RIN2: variants seen among roughly 807,000 people sequenced by gnomAD.
RIN2 encodes the protein RAB5 interacting protein 2.
A neutral mutation model predicts 78.0 loss-of-function variants in RIN2; 36 were observed. The observed-to-expected ratio is 0.46, with a 90% CI of 0.35 to 0.61. The LOEUF is 0.61. Among genes scored for constraint, RIN2 ranks in the 20% least tolerant of loss-of-function variants. The pLI is 0.00. For synonymous variants in RIN2, 466 were observed against 466.8 expected, an observed-to-expected ratio of 1.00 and a Z score of 0.02; for missense variants, 1,087 against 1,159.7, an observed-to-expected ratio of 0.94 and a Z score of 0.91.
chr20:19,846,888 G>A (rs532495389), intron 2 of RIN2, among the ~76,000 whole-genome samples: 2 of 152,160 alleles, frequency 1.3e-5, no homozygotes, highest in Admixed American at 6.5e-5. Context: ...TTCTTCTATG[G>A]GCAGGGGCAC....
intron 2 of RIN2, among the ~76,000 whole-genome samples, chr20:19,827,791 G>C (rs982633336): frequency 6.7e-6 from 1 of 148,160 alleles, no homozygotes; most frequent in Non-Finnish European, 1.5e-5. Flanking sequence ...GACTTTAGTA[G>C]GTTTGCTTTT....
intron 2 of RIN2, among the ~76,000 whole-genome samples, chr20:19,837,680 G>A (rs577988992): frequency 6.6e-6 from 1 of 152,124 alleles, no homozygotes; most frequent in East Asian, 1.9e-4. Context: ...TATATATGCT[G>A]ATATACAGAT....
intron 11 of RIN2, among the ~76,000 whole-genome samples, chr20:19,993,274 GT>G (rs35781625): frequency 6.3e-4 from 93 of 146,890 alleles, no homozygotes; most frequent in South Asian, 1.1e-3. Context: ...TCACGGTTTC[GT>G]TTTTTTTTTT....
At chr20:19,989,833 T>C (rs1381004015) in intron 9 of RIN2, among the ~76,000 whole-genome samples, 173 bp from the exon 10 acceptor site, 1 of 152,272 alleles carries the variant, frequency 6.6e-6, no homozygotes, top group African/African-American at 2.4e-5. Context: ...AGAAAAATGT[T>C]AACATGTGAG....
At chr20:19,824,015 G>A (rs943007061) in intron 2 of RIN2, 7 of 935,254 alleles carry the variant, frequency 7.5e-6, no homozygotes, top group East Asian at 5.2e-5. Flanking sequence ...GGCCTCCTCC[G>A]AGCCGAAAGC....
rs1257640574 is a variant in RIN2 at position 19,974,969 on chromosome 20, C to T, written c.944C>T (p.Ala315Val). The T allele has an allele frequency of 6.2e-6, 10 of 1,612,620 alleles. No homozygotes were observed. In the South Asian group the frequency reaches 1.1e-4, roughly 18 times the overall value. ...RSPPPRPPPPAINSLHTSPRL... is the reference protein window; with the variant it reads ...RSPPPRPPPPVINSLHTSPRL... The stretch of plus-strand genomic sequence containing the variant: ...CCCCCACCCAGGCCCCCGCCACCCG[C>T]TATTAATAGTCTCCACACAAGCCCT... The change falls in exon 9 of 13, where the codon GCT (alanine) becomes GTT (valine). Residue 315 changes from alanine to valine, a missense_variant. By Grantham distance (64) the Ala-to-Val change is moderately conservative (BLOSUM62 0). Coordinates refer to ENST00000255006, the MANE Select transcript of RIN2 (RefSeq NM_018993.4).
At chr20:19,833,974 A>G (rs1371930241) in intron 2 of RIN2, among the ~76,000 whole-genome samples, 1 of 151,988 alleles carries the variant, frequency 6.6e-6, no homozygotes, top group African/African-American at 2.4e-5. Flanking sequence ...GCTTTCCTCC[A>G]CCACATCGCC....
intron 3 of RIN2, among the ~76,000 whole-genome samples, chr20:19,923,778 C>G (rs2040030794): frequency 6.6e-6 from 1 of 151,964 alleles, no homozygotes. Context: ...TTTCTACATA[C>G]TGTTATTTGA....
chr20:19,937,591 C>T (rs1248303604), intron 4 of RIN2, among the ~76,000 whole-genome samples: 1 of 152,208 alleles, frequency 6.6e-6, no homozygotes, highest in Non-Finnish European at 1.5e-5. Flanking sequence ...CTCTTTCGTG[C>T]TTAATATTGA....
chr20:19,986,865 G>C (rs2042637862), intron 9 of RIN2, among the ~76,000 whole-genome samples: 1 of 152,172 alleles, frequency 6.6e-6, no homozygotes, highest in Non-Finnish European at 1.5e-5. Context: ...CGGCTCAACA[G>C]AATTTTACAC....
chr20:20,000,579 TCTGA>T (rs1441929933), intron 12 of RIN2, 30 bp from the exon 13 acceptor site: 1 of 1,536,766 alleles, frequency 6.5e-7, no homozygotes, highest in Non-Finnish European at 8.9e-7. Flanking sequence ...AGTTTTCTCT[TCTGA>T]CTGTCTCAAC....
chr20:19,922,017 C>T (rs2039946269), intron 3 of RIN2, among the ~76,000 whole-genome samples: 1 of 152,172 alleles, frequency 6.6e-6, no homozygotes, highest in Non-Finnish European at 1.5e-5. Flanking sequence ...AGGCGCATGC[C>T]ACCATGCCCA....
chr20:19,880,144 G>T (rs1026724176), intron 2 of RIN2, among the ~76,000 whole-genome samples: 1 of 151,434 alleles, frequency 6.6e-6, no homozygotes, highest in Admixed American at 6.6e-5. Flanking sequence ...AGCTACTCAG[G>T]TAACTGAGGC....
chr20:19,786,843 T>A (rs2034693730), intron 1 of RIN2, among the ~76,000 whole-genome samples: 1 of 152,210 alleles, frequency 6.6e-6, no homozygotes, highest in South Asian at 2.1e-4. Context: ...TAGATTTAGC[T>A]TACATGCTAA....
In RIN2 at chr20:19,870,852, G is replaced by T. The variant is rs373537796; in HGVS notation, c.-36-18714G>T. Among the ~76,000 whole-genome samples the T allele has an allele frequency of 6.6e-5, 10 of 152,260 alleles. No individual in the cohort carries two copies. The East Asian group carries it at 1.5e-3, about 24-fold the overall frequency. On this transcript the variant is annotated intron_variant, in intron 2 of 12. Coordinates refer to ENST00000255006, the MANE Select transcript of RIN2 (RefSeq NM_018993.4). ...ATGCTGTGTTCTTCTAGGGCATCAC[G>T]TCTGGAGGAACACAGCATCTGGCTG...
rs901653845 is a variant in RIN2, at chr20:19,975,830, T to C, written c.1762+43T>C. ...TAAAATATAAAATCTATTGTAACTC[T>C]GTCCGGGCAGTGCAACCTATGTTTG... On this transcript the variant is annotated intron_variant, in intron 9 of 12. Transcript: ENST00000255006. The surrounding 1 kb of genome is among the most constrained non-coding windows in gnomAD (Gnocchi z 4.9). 1.5e-5 allele frequency: 23 copies of C among 1,528,182 alleles called. No individual in the cohort carries two copies. Among genetic ancestry groups the C allele is most frequent in the Non-Finnish European group, 2.0e-5 (23 of 1,124,734 alleles). 94.7% of individuals were successfully genotyped at this position (1,528,182 alleles called of 1,614,324 possible). A position where few individuals can be genotyped will look rare whatever the true frequency, so the allele number is the denominator to read the frequency against.
At chr20:19,982,050 G>T (rs1313170990) in intron 9 of RIN2, among the ~76,000 whole-genome samples, 3 of 152,186 alleles carry the variant, frequency 2.0e-5, no homozygotes, top group African/African-American at 7.2e-5. Flanking sequence ...TCATGCTGGG[G>T]ACTTCAGGTG....
At chr20:19,868,480 G>A (rs1338962484) in intron 2 of RIN2, among the ~76,000 whole-genome samples, 1 of 152,112 alleles carries the variant, frequency 6.6e-6, no homozygotes, top group Non-Finnish European at 1.5e-5. Flanking sequence ...TTACAGATTC[G>A]CTCCTGAATT....
At chr20:19,797,794 T>G (rs2035104536) in intron 1 of RIN2, among the ~76,000 whole-genome samples, 1 of 152,174 alleles carries the variant, frequency 6.6e-6, no homozygotes, top group Non-Finnish European at 1.5e-5. Context: ...GCAGTTCACA[T>G]TGTTTGAGCA....
Sources: gnomAD v4.1 joint callset for allele counts (sites outside exome capture counted in the v4.1 genomes callset) on GRCh38, gnomAD v4.1.1 for gene constraint, Gnocchi (gnomAD v3.1) non-coding constraint, MANE v1.5 for transcripts, NCBI Gene and HGNC (gene_info 2026-07-23, HGNC 2026-07-21) for gene names.